The following MASP2 variants were observed in gnomAD, a reference collection of about 807,000 sequenced individuals.
MASP2 encodes the protein mannan-binding lectin serine protease 2.
In MASP2, 49 loss-of-function variants were observed where a neutral mutation model predicts 57.1. That is an observed-to-expected ratio of 0.86 (90% CI 0.68 to 1.09). MASP2 has a LOEUF of 1.09. MASP2 is among the 50% of genes least tolerant of loss of function. The pLI, the probability that MASP2 is intolerant of heterozygous loss-of-function variation, is 0.00. For missense variants in MASP2, 900 were observed against 874.8 expected (o/e 1.03, Z -0.36); for synonymous variants, 379 against 340.8 (o/e 1.11, Z -1.24).
chr1:11,044,913 C>T (rs900945939), intron 4 of MASP2: 6 of 1,602,006 alleles, frequency 3.7e-6, no homozygotes, highest in Non-Finnish European at 5.1e-6. Flanking sequence ...TTCTGACCTG[C>T]TGGGCAGGCC....
At chr1:11,041,592 A>T (rs1301616096) in intron 6 of MASP2, among the ~76,000 whole-genome samples, 1 of 111,976 alleles carries the variant, frequency 8.9e-6, no homozygotes, top group Non-Finnish European at 1.8e-5. Context: ...GGGTGGGTGG[A>T]TGGATGGTGG....
intron 4 of MASP2, chr1:11,044,857 C>T: frequency 6.4e-7 from 1 of 1,560,810 alleles, no homozygotes; most frequent in South Asian, 1.2e-5. Flanking sequence ...TGGGGCACAG[C>T]CATCTCAGCC....
rs137957386 is a variant in MASP2 at position 11,027,301 on chromosome 1, T to C, written c.1645A>G (p.Thr549Ala). The C allele has an allele frequency of 6.2e-7, 1 of 1,613,990 alleles. No individual in the cohort carries two copies. Among genetic ancestry groups the C allele is most frequent in the South Asian group, 1.1e-5 (1 of 91,060 alleles). ...TCTTTTCTTGGCAGACAAATAGGCGTGATGTTGCTATTGATTACAACTTTG... is the reference window on the plus strand; with the variant it reads ...TCTTTTCTTGGCAGACAAATAGGCGCGATGTTGCTATTGATTACAACTTTG... Reference protein sequence around the residue: ...NNKVVINSNITPICLPRKEAE... With the variant: ...NNKVVINSNIAPICLPRKEAE... Residue 549 changes from threonine to alanine, a missense_variant, in exon 11 of 11, where the codon ACG (threonine) becomes GCG (alanine). Coordinates refer to ENST00000400897, the MANE Select transcript of MASP2 (RefSeq NM_006610.4).
At chr1:11,044,878 C>A in intron 4 of MASP2, 2 of 1,579,652 alleles carry the variant, frequency 1.3e-6, no homozygotes, top group Non-Finnish European at 1.7e-6. Flanking sequence ...CAACCCGGAG[C>A]TGAGGCCAGC....
chr1:11,045,119 A>AC (rs1485208848), intron 4 of MASP2: 1 of 753,066 alleles, frequency 1.3e-6, no homozygotes, highest in African/African-American at 1.7e-5. Context: ...AGGGCTAGAT[A>AC]CCCCCGACTC....
Position 11,026,984 on chromosome 1 carries a change from G to A in MASP2, c.1962C>T (p.Ser654=), listed in dbSNP as rs370753938. 3.6e-5 allele frequency: 57 copies of A among 1,588,806 alleles called. No homozygotes were observed. The highest frequency in any genetic ancestry group is 4.5e-5 in the Non-Finnish European group (53 of 1,168,832). The change falls in exon 11 of 11, where the codon TCC becomes TCT. Residue 654 remains serine, a synonymous_variant. Coordinates refer to ENST00000400897, the MANE Select transcript of MASP2 (RefSeq NM_006610.4). ...TERWFVGGIV[S]WGSMNCGEAG... ...CTTCCCCACAATTCATGGAACCCCA[G>A]GACACTATTCCTCCCACAAACCACC...
intron 5 of MASP2, 51 bp downstream of exon 5, chr1:11,043,288 C>A: frequency 6.6e-7 from 1 of 1,507,402 alleles, no homozygotes; most frequent in Non-Finnish European, 9.0e-7. Flanking sequence ...GGGGGTGCAG[C>A]TGGGCTGAGG....
chr1:11,039,906 G>GGATGGATGGATA lies in MASP2; in HGVS notation c.890-2096_890-2095insTATCCATCCATC, dbSNP rs1553161567. ...TGGATGGATGGATGGATGGATAGATGGATGGATAGATGGATAGGATGGGTG... is the reference window on the plus strand; with the variant it reads ...TGGATGGATGGATGGATGGATAGATGGATGGATGGATAGATGGATAGATGGATAGGATGGGTG... On this transcript the variant is annotated intron_variant, in intron 6 of 10. Coordinates refer to ENST00000400897, the MANE Select transcript of MASP2 (RefSeq NM_006610.4). Among the ~76,000 whole-genome samples, 191 of 125,522 alleles carry GGATGGATGGATA rather than the reference G, an allele frequency of 1.5e-3. 2 individuals are homozygous for GGATGGATGGATA. Among genetic ancestry groups the GGATGGATGGATA allele is most frequent in the Non-Finnish European group, 2.1e-3 (127 of 59,464 alleles). The allele number at this position is 125,522 out of a possible 152,430, so 82.3% of individuals were successfully genotyped here.
chr1:11,045,207 G>A (rs1225911036), intron 4 of MASP2: 15 of 824,720 alleles, frequency 1.8e-5, no homozygotes, highest in Non-Finnish European at 2.9e-5. Context: ...AGTCTCAGTC[G>A]CTAGGGCAGG....
chr1:11,037,366 G>A (rs1027502269), intron 7 of MASP2, among the ~76,000 whole-genome samples: 5 of 152,108 alleles, frequency 3.3e-5, no homozygotes, highest in Non-Finnish European at 5.9e-5. Context: ...TGGGAATACA[G>A]GTGTGAGCCA....
chr1:11,043,044 G>C (rs1165049768), intron 5 of MASP2, 22 bp from the exon 6 acceptor site: 1 of 1,611,736 alleles, frequency 6.2e-7, no homozygotes, highest in African/African-American at 1.3e-5. Context: ...GCTCATGAAA[G>C]CTGGGGAGCA....
intron 10 of MASP2, among the ~76,000 whole-genome samples, chr1:11,028,873 C>T (rs144479610): frequency 6.6e-5 from 10 of 151,710 alleles, no homozygotes; most frequent in Non-Finnish European, 1.5e-4. Context: ...GCCACCACAC[C>T]TGGCTAATTT....
chr1:11,037,621 A>C, intron 7 of MASP2, 72 bp downstream of exon 7: 1 of 912,604 alleles, frequency 1.1e-6, no homozygotes. Context: ...CCTTTCACAT[A>C]TCTGCAGATA....
intron 6 of MASP2, among the ~76,000 whole-genome samples, chr1:11,041,104 T>TGG (rs61301603): frequency 0.78 from 105,564 of 135,056 alleles, 42,654 homozygotes; most frequent in East Asian, 0.83. Flanking sequence ...GAAGGATGGA[T>TGG]AGATGGATGG....
chr1:11,036,741 T>C (rs1638252060), intron 7 of MASP2, among the ~76,000 whole-genome samples: 1 of 149,788 alleles, frequency 6.7e-6, no homozygotes, highest in Non-Finnish European at 1.5e-5. Context: ...TTGAAGAACA[T>C]AAAGAGGACG....
Position 11,032,645 on chromosome 1 carries a change from A to G in MASP2, c.1088-1763T>C, listed in dbSNP as rs572403092. 2.0e-4 allele frequency among the ~76,000 whole-genome samples: 30 copies of G among 149,272 alleles called. 1 individual carries two copies. In the South Asian group the frequency reaches 5.1e-3, roughly 25 times the overall value. ...AAAAAGTGGCTGGTCACGGTGGCTC[A>G]CGCCTGTAATCCCAACACTTTGGGA... On this transcript the variant is annotated intron_variant, in intron 8 of 10. Transcript: ENST00000400897.
intron 6 of MASP2, among the ~76,000 whole-genome samples, chr1:11,038,536 A>C (rs1012620338): frequency 6.6e-6 from 1 of 152,138 alleles, no homozygotes; most frequent in African/African-American, 2.4e-5. Flanking sequence ...AGTGCTCCCC[A>C]GCTGCCCCTA....
intron 4 of MASP2, chr1:11,044,735 G>A (rs1638570623): frequency 1.4e-5 from 19 of 1,406,298 alleles, no homozygotes; most frequent in Non-Finnish European, 1.5e-5. Flanking sequence ...GAGGAGGGTA[G>A]GCAGAGAGGA....
At position 11,036,510 on chromosome 1, in the gene MASP2, C is replaced by CAAAAAAAAAAAAAAAAAA. The variant is rs35642467; in HGVS notation, c.1008+1165_1008+1182dup. Among the ~76,000 whole-genome samples, 11 of 54,348 alleles carry CAAAAAAAAAAAAAAAAAA rather than the reference C, an allele frequency of 2.0e-4. 1 individual carries two copies. Among genetic ancestry groups the CAAAAAAAAAAAAAAAAAA allele is most frequent in the African/African-American group, 4.3e-4 (7 of 16,156 alleles). 35.7% of individuals were successfully genotyped at this position (54,348 alleles called of 152,430 possible). Reference sequence around the variant, plus strand: ...TGGGCGACAGAGCGAGACTCCGTCTCAAAAAAAAAAAAAAAAAAAAAAAAA... The same window carrying CAAAAAAAAAAAAAAAAAA: ...TGGGCGACAGAGCGAGACTCCGTCTCAAAAAAAAAAAAAAAAAAAAAAAAAAAAAAAAAAAAAAAAAAA... On this transcript the variant is annotated intron_variant, in intron 7 of 10. Transcript: ENST00000400897.
Sources: gnomAD v4.1 joint callset for allele counts (sites outside exome capture counted in the v4.1 genomes callset) on GRCh38, gnomAD v4.1.1 for gene constraint, MANE v1.5 for transcripts, NCBI Gene and HGNC (gene_info 2026-07-23, HGNC 2026-07-21) for gene names.